Variants in GUCA1C observed in about 807,000 individuals in gnomAD.
GUCA1C encodes the protein guanylate cyclase activator 1C.
Under a neutral mutation model 16.2 loss-of-function variants are expected in GUCA1C, and 15 were observed. That is an observed-to-expected ratio of 0.93 (90% CI 0.62 to 1.43). The LOEUF (loss-of-function observed/expected upper bound fraction) is 1.43. Among genes scored for constraint, GUCA1C ranks in the 40% most tolerant of loss-of-function variants. The probability of loss-of-function intolerance (pLI) is 0.00; values close to 1 mark genes in which losing one functional copy is unlikely to be tolerated. For synonymous variants in GUCA1C, 78 were observed against 85.4 expected (o/e 0.91, Z 0.48); for missense variants, 275 against 244.8 (o/e 1.12, Z -0.82).
rs560800423 is a variant in GUCA1C, at chr3:108,909,667, A to C, written c.443-1458T>G. 9.8e-5 allele frequency among the ~76,000 whole-genome samples: 15 copies of C among 152,358 alleles called. 1 individual carries two copies. The highest frequency in any genetic ancestry group is 6.5e-4 in the Admixed American group (10 of 15,308). ...GCATCTGAAAGAACCGGGATATAGT[A>C]GTGGTCTCAGCTGAAAAGCAATACA... On this transcript the variant is annotated intron_variant, in intron 3 of 3. Coordinates refer to ENST00000261047, the MANE Select transcript of GUCA1C (RefSeq NM_005459.4).
In GUCA1C at chr3:108,913,911, C is replaced by A. The variant is rs944198487; in HGVS notation, c.442+2216G>T. 3.0e-4 allele frequency among the ~76,000 whole-genome samples: 46 copies of A among 151,814 alleles called. 1 individual carries two copies. Among genetic ancestry groups the A allele is most frequent in the Admixed American group, 2.9e-3 (45 of 15,256 alleles). On this transcript the variant is annotated intron_variant, in intron 3 of 3. Transcript: ENST00000261047. The stretch of plus-strand genomic sequence containing the variant: ...TGAAACCCCGTCTCTACTAAAAATA[C>A]AAAAATTAGCTGGGCATGGTGGGGG...
chr3:108,909,992 G>A (rs938342230), intron 3 of GUCA1C, among the ~76,000 whole-genome samples: 3 of 152,060 alleles, frequency 2.0e-5, no homozygotes, highest in African/African-American at 7.2e-5. Flanking sequence ...CACAGCTACC[G>A]CCACTATAGC....
At chr3:108,910,720 G>T (rs1301420267) in intron 3 of GUCA1C, among the ~76,000 whole-genome samples, 5 of 151,086 alleles carry the variant, frequency 3.3e-5, no homozygotes, top group Non-Finnish European at 7.4e-5. Context: ...GGCTATCTCG[G>T]CTGACTGCAA....
chr3:108,950,296 A>G (rs1946885075), intron 1 of GUCA1C, among the ~76,000 whole-genome samples: 1 of 152,150 alleles, frequency 6.6e-6, no homozygotes, highest in Admixed American at 6.5e-5. Flanking sequence ...TCATTTGCTG[A>G]TGGGTAATAC....
At chr3:108,909,507 T>C (rs75168914) in intron 3 of GUCA1C, among the ~76,000 whole-genome samples, 1,878 of 152,148 alleles carry the variant, frequency 0.012, 39 homozygotes, top group African/African-American at 0.043. Flanking sequence ...AGCTGGCAAA[T>C]TCCCAACCCC....
At chr3:108,954,864 G>A (rs572626443), upstream of GUCA1C, among the ~76,000 whole-genome samples, 21 of 151,622 alleles carry the variant, frequency 1.4e-4, no homozygotes, top group African/African-American at 5.1e-4. Flanking sequence ...AGCCTCCAGA[G>A]TAGCTGGGAC....
intron 1 of GUCA1C, among the ~76,000 whole-genome samples, chr3:108,932,337 A>C (rs1189393717): frequency 2.8e-5 from 3 of 108,462 alleles, no homozygotes; most frequent in East Asian, 4.3e-4. Context: ...AAAAAAAAAA[A>C]AACAAAAAAA....
In GUCA1C at chr3:108,953,690, TTCTGTACCACACATGGGTC is replaced by T. The variant is rs1394482790; in HGVS notation, c.54_72del (p.Thr19HisfsTer3). On this transcript the variant is annotated frameshift_variant, in exon 1 of 4. Coordinates refer to ENST00000261047, the MANE Select transcript of GUCA1C (RefSeq NM_005459.4). LOFTEE classifies it high-confidence loss of function. ...CCGGATGGATATTCCATCATAAATG[TTCTGTACCACACATGGGTC>T]TCTTGTGTAGGAACTGCTTTCTGAT... The T allele has an allele frequency of 6.2e-7, 1 of 1,613,214 alleles. No individual in the cohort carries two copies. The highest frequency in any genetic ancestry group is 1.1e-5 in the South Asian group (1 of 91,054).
In GUCA1C at chr3:108,953,788, C is replaced by G. The variant is rs770533510; in HGVS notation, c.-26G>C. The G allele has an allele frequency of 5.9e-5, 92 of 1,567,274 alleles. No homozygotes were observed. The Admixed American group carries it at 8.2e-4, about 14-fold the overall frequency. On this transcript the variant is annotated 5_prime_UTR_variant, in exon 1 of 4. Transcript: ENST00000261047. ...CTTGACTCACAGTCTACAGCTTTTC[C>G]TCAGGTTGTTTTCACTTAAGTTTTT... is the stretch of plus-strand genomic sequence containing the variant.
chr3:108,910,794 C>T (rs533494946), intron 3 of GUCA1C, among the ~76,000 whole-genome samples: 5 of 151,648 alleles, frequency 3.3e-5, no homozygotes, highest in African/African-American at 7.3e-5. Flanking sequence ...GGACTACAGG[C>T]GCCCACCACC....
Position 108,953,675 on chromosome 3 carries a change from A to G in GUCA1C, c.88T>C (p.Tyr30His), listed in dbSNP as rs1946921972. The change falls in exon 1 of 4, where the codon TAT (tyrosine) becomes CAT (histidine). Residue 30 changes from tyrosine (Y) to histidine (H), a missense_variant. Coordinates refer to ENST00000261047, the MANE Select transcript of GUCA1C (RefSeq NM_005459.4). Reference sequence around the variant, plus strand: ...TGTAGTGTTTGCAGGCCGGATGGATATTCCATCATAAATGTTCTGTACCAC... The same window carrying G: ...TGTAGTGTTTGCAGGCCGGATGGATGTTCCATCATAAATGTTCTGTACCAC... ...HVWYRTFMME[Y>H]PSGLQTLHEF... 6.2e-7 allele frequency: 1 copy of G among 1,610,146 alleles called. No individual in the cohort carries two copies. Among genetic ancestry groups the G allele is most frequent in the Admixed American group, 1.7e-5 (1 of 60,000 alleles).
Position 108,916,210 on chromosome 3 carries a change from A to G in GUCA1C, c.359T>C (p.Val120Ala). The change falls in exon 3 of 4, where the codon GTA becomes GCA. Residue 120 changes from valine (V) to alanine (A), a missense_variant. Val to Ala is a moderately conservative substitution (Grantham distance 64). Transcript: ENST00000261047. ...KNELLDMFMA[V>A]QALNGQQTLS... ...AGTTTGCTGGCCATTGAGGGCTTGT[A>G]CCGCCTGCAAAAAGACATTAAATGA... 1 of 1,606,246 alleles carries G rather than the reference A, an allele frequency of 6.2e-7. No homozygotes were observed. The highest frequency in any genetic ancestry group is 8.5e-7 in the Non-Finnish European group (1 of 1,178,120).
intron 3 of GUCA1C, among the ~76,000 whole-genome samples, chr3:108,909,179 G>A (rs527571775): frequency 1.1e-4 from 16 of 152,260 alleles, no homozygotes; most frequent in African/African-American, 2.9e-4. Context: ...TCATATATTC[G>A]TAAGACACCT....
rs553106826 is a variant in GUCA1C at position 108,949,755 on chromosome 3, A to G, written c.204+3804T>C. Among the ~76,000 whole-genome samples, 12 of 152,338 alleles carry G rather than the reference A, an allele frequency of 7.9e-5. No individual in the cohort carries two copies. In the East Asian group the frequency reaches 2.1e-3, roughly 27 times the overall value. ...TGGGTTTTGTTTTCCAGCTTTATTA[A>G]GGAATAGTTGACAAATAAAAATTAT... On this transcript the variant is annotated intron_variant, in intron 1 of 3. Coordinates refer to ENST00000261047, the MANE Select transcript of GUCA1C (RefSeq NM_005459.4).
At chr3:108,920,166 C>T (rs1946555670) in intron 2 of GUCA1C, among the ~76,000 whole-genome samples, 1 of 152,142 alleles carries the variant, frequency 6.6e-6, no homozygotes, top group Non-Finnish European at 1.5e-5. Context: ...AGATAAGTTG[C>T]TTTACAATAT....
chr3:108,944,675 T>C (rs1946826037), intron 1 of GUCA1C, among the ~76,000 whole-genome samples: 1 of 152,178 alleles, frequency 6.6e-6, no homozygotes, highest in Non-Finnish European at 1.5e-5. Flanking sequence ...GGCAGCTTGT[T>C]TGGCCTCTTG....
At chr3:108,952,941 C>T (rs1304825991) in intron 1 of GUCA1C, among the ~76,000 whole-genome samples, 4 of 151,890 alleles carry the variant, frequency 2.6e-5, no homozygotes, top group Non-Finnish European at 1.5e-5. Flanking sequence ...TGCACTACAG[C>T]TCCTCAGGAA....
intron 1 of GUCA1C, among the ~76,000 whole-genome samples, chr3:108,940,065 A>G (rs2107309610): frequency 6.6e-6 from 1 of 152,324 alleles, no homozygotes; most frequent in South Asian, 2.1e-4. Flanking sequence ...CTTAACCAAA[A>G]TGTTGTGCTT....
At chr3:108,932,206 C>T (rs1946673576) in intron 1 of GUCA1C, among the ~76,000 whole-genome samples, 1 of 151,296 alleles carries the variant, frequency 6.6e-6, no homozygotes, top group South Asian at 2.1e-4. Flanking sequence ...CCCTGACACA[C>T]AGAACTGTTT....
Sources: gnomAD v4.1 joint callset for allele counts (sites outside exome capture counted in the v4.1 genomes callset) on GRCh38, gnomAD v4.1.1 for gene constraint, MANE v1.5 for transcripts, NCBI Gene and HGNC (gene_info 2026-07-23, HGNC 2026-07-21) for gene names.